The following FTO variants were observed in gnomAD, a reference collection of about 807,000 sequenced individuals.
The protein encoded by FTO is alpha-ketoglutarate-dependent dioxygenase FTO.
In FTO, 47 loss-of-function variants were observed where a neutral mutation model predicts 63.9. The ratio of observed to expected loss-of-function variants is 0.74; its 90% CI spans 0.58 to 0.94. FTO has a LOEUF of 0.94. FTO is among the 40% of genes least tolerant of loss of function. The pLI, the probability that FTO is intolerant of heterozygous loss-of-function variation, is 0.00. For missense variants in FTO, 562 were observed against 618.1 expected, an observed-to-expected ratio of 0.91 and a Z score of 0.96; for synonymous variants, 207 against 224.4, an observed-to-expected ratio of 0.92 and a Z score of 0.69.
intron 4 of FTO, among the ~76,000 whole-genome samples, chr16:53,850,114 A>G (rs2079745512): frequency 6.6e-6 from 1 of 152,242 alleles, no homozygotes; most frequent in South Asian, 2.1e-4. Flanking sequence ...AGGGAATAAT[A>G]CAGAAACCAG....
At chr16:53,884,744 G>T (rs75547642) in intron 6 of FTO, among the ~76,000 whole-genome samples, 1,804 of 152,338 alleles carry the variant, frequency 0.012, 31 homozygotes, top group African/African-American at 0.04. Context: ...AATGACTGAA[G>T]TCCAGATATG....
At chr16:54,019,810 G>A (rs2084545625) in intron 8 of FTO, among the ~76,000 whole-genome samples, 2 of 152,120 alleles carry the variant, frequency 1.3e-5, no homozygotes, top group African/African-American at 4.8e-5. Context: ...GAATTACTCA[G>A]GCTCTGTGCA....
intron 1 of FTO, among the ~76,000 whole-genome samples, chr16:53,793,744 A>G (rs1226252145): frequency 1.3e-5 from 2 of 152,232 alleles, no homozygotes; most frequent in African/African-American, 4.8e-5. Context: ...ACAAACAAAC[A>G]AACAAACAAA....
At chr16:53,720,971 G>T (rs1279234303) in intron 1 of FTO, among the ~76,000 whole-genome samples, 1 of 151,928 alleles carries the variant, frequency 6.6e-6, no homozygotes, top group Admixed American at 6.6e-5. Flanking sequence ...TGTACATTTT[G>T]TAGAGACTGG....
intron 3 of FTO, among the ~76,000 whole-genome samples, chr16:53,839,107 G>A (rs1488247847): frequency 1.3e-5 from 2 of 152,102 alleles, no homozygotes; most frequent in Non-Finnish European, 2.9e-5. Context: ...AAAACTAGCT[G>A]GCATAAAACA....
At chr16:53,809,003 C>A (rs879727205) in intron 1 of FTO, among the ~76,000 whole-genome samples, 1 of 152,124 alleles carries the variant, frequency 6.6e-6, no homozygotes, top group South Asian at 2.1e-4. Flanking sequence ...CACGTACACA[C>A]GAAAACTCCA....
intron 2 of FTO, among the ~76,000 whole-genome samples, chr16:53,817,897 A>G (rs1410827381): frequency 6.6e-6 from 1 of 152,236 alleles, no homozygotes; most frequent in Non-Finnish European, 1.5e-5. Context: ...TTTATGCCAC[A>G]GGATCATTTG....
chr16:53,804,089 A>G (rs2078293723), intron 1 of FTO, among the ~76,000 whole-genome samples: 1 of 152,164 alleles, frequency 6.6e-6, no homozygotes, highest in South Asian at 2.1e-4. Context: ...CTGTTCTTAG[A>G]GCTTTATGTA....
At chr16:53,987,582 C>G (rs1028258337) in intron 8 of FTO, among the ~76,000 whole-genome samples, 1 of 123,056 alleles carries the variant, frequency 8.1e-6, no homozygotes, top group Non-Finnish European at 1.7e-5. Flanking sequence ...GACTCTGTCT[C>G]AAAAAAAAAA....
chr16:53,711,156 T>C (rs978691793), intron 1 of FTO, among the ~76,000 whole-genome samples: 1 of 151,794 alleles, frequency 6.6e-6, no homozygotes, highest in Non-Finnish European at 1.5e-5. Flanking sequence ...AGATATATAT[T>C]CTGTATGTAT....
chr16:54,007,915 A>G (rs186813797), intron 8 of FTO, among the ~76,000 whole-genome samples: 32 of 152,360 alleles, frequency 2.1e-4, no homozygotes, highest in Admixed American at 4.6e-4. Context: ...TGGACTAACA[A>G]TTAAACTCAG....
rs562763584 is a variant in FTO, at chr16:53,827,792, A to C, written c.751+1301A>C. ...AACGCTGTCCTAATGGAAAGAACGG[A>C]GATCCTCTGATCTTTAATAAGGACT... is the stretch of plus-strand genomic sequence containing the variant. On this transcript the variant is annotated intron_variant, in intron 3 of 8. Transcript: ENST00000471389. 3.3e-5 allele frequency among the ~76,000 whole-genome samples: 5 copies of C among 152,356 alleles called. No homozygotes were observed. In the East Asian group the frequency reaches 9.7e-4, roughly 29 times the overall value.
intron 7 of FTO, among the ~76,000 whole-genome samples, chr16:53,913,499 C>A (rs963127412): frequency 1.3e-5 from 2 of 152,174 alleles, no homozygotes; most frequent in Admixed American, 1.3e-4. Context: ...TTGGGGGCAA[C>A]ATCAAAGCCC....
At chr16:53,805,233 A>G (rs2078331875) in intron 1 of FTO, among the ~76,000 whole-genome samples, 1 of 152,168 alleles carries the variant, frequency 6.6e-6, no homozygotes, top group African/African-American at 2.4e-5. Flanking sequence ...TGAAAAATAC[A>G]CTTCATTTGT....
At chr16:53,913,240 C>T (rs1191776525) in intron 7 of FTO, among the ~76,000 whole-genome samples, 1 of 152,184 alleles carries the variant, frequency 6.6e-6, no homozygotes, top group Non-Finnish European at 1.5e-5. Context: ...ACGGTGATTA[C>T]CCCACAGTTT....
intron 8 of FTO, among the ~76,000 whole-genome samples, chr16:54,082,028 A>G (rs938913821): frequency 6.6e-6 from 1 of 152,200 alleles, no homozygotes; most frequent in Non-Finnish European, 1.5e-5. Context: ...GACAGGGGGC[A>G]ATAATTCTTC....
chr16:53,823,174 T>C (rs1029610711), intron 2 of FTO, among the ~76,000 whole-genome samples: 3 of 152,222 alleles, frequency 2.0e-5, no homozygotes, highest in African/African-American at 4.8e-5. Context: ...GTGATTTTCA[T>C]GCTGCCAAAT....
chr16:53,925,827 C>A (rs1011200407), intron 7 of FTO, among the ~76,000 whole-genome samples: 1 of 152,150 alleles, frequency 6.6e-6, no homozygotes, highest in African/African-American at 2.4e-5. Flanking sequence ...AGGTGAATTG[C>A]TGAGTTTTAA....
intron 8 of FTO, among the ~76,000 whole-genome samples, chr16:53,994,773 G>T (rs2143938532): frequency 6.7e-6 from 1 of 150,182 alleles, no homozygotes; most frequent in Middle Eastern, 3.4e-3. Context: ...TCGCTCTGTT[G>T]TCCGGACTGC....
Sources: allele counts gnomAD v4.1 joint callset (sites outside exome capture counted in the v4.1 genomes callset), GRCh38; gene constraint gnomAD v4.1.1; transcripts MANE v1.5; gene names NCBI Gene and HGNC (gene_info 2026-07-23, HGNC 2026-07-21).